The following RPP40 variants were observed in gnomAD, a reference collection of about 807,000 sequenced individuals.
RPP40 encodes the protein ribonuclease P/MRP subunit p40.
RPP40 carries 30 observed loss-of-function variants against 42.5 expected under a neutral mutation model. That is an observed-to-expected ratio of 0.71 (90% confidence interval 0.53 to 0.96). The LOEUF is 0.96. Among genes scored for constraint, RPP40 ranks in the 40% least tolerant of loss-of-function variants. The pLI, the probability that RPP40 is intolerant of heterozygous loss-of-function variation, is 0.00. For missense variants in RPP40, 426 were observed against 433.5 expected (o/e 0.98, Z 0.15); for synonymous variants, 173 against 164.0 (o/e 1.05, Z -0.42).
chr6:4,989,156 CTT>C, the RPP40 span, among the ~76,000 whole-genome samples: 3 of 152,108 alleles, frequency 2.0e-5, no homozygotes, highest in Admixed American at 6.5e-5. Context: ...TAAGTGGACT[CTT>C]TGGTAAAATG....
intron 5 of RPP40, among the ~76,000 whole-genome samples, chr6:4,997,274 G>A (rs1262365411): frequency 3.3e-5 from 5 of 152,238 alleles, no homozygotes; most frequent in African/African-American, 9.6e-5. Flanking sequence ...TGGGTAAACT[G>A]AGTGGGAAGA....
chr6:4,999,934 T>C, intron 3 of RPP40, 30 bp from the exon 4 acceptor site: 1 of 1,318,212 alleles, frequency 7.6e-7, no homozygotes. Context: ...TCCCATAAGA[T>C]ACCAAAACTA....
chr6:4,992,237 C>T (rs144286713), downstream of RPP40, among the ~76,000 whole-genome samples: 883 of 152,020 alleles, frequency 5.8e-3, 10 homozygotes, highest in African/African-American at 0.02. Context: ...GGCATGGTGG[C>T]GCATGCCTGT....
downstream of RPP40, among the ~76,000 whole-genome samples, chr6:4,990,990 G>T (rs1363217113): frequency 2.0e-5 from 3 of 151,952 alleles, no homozygotes; most frequent in Non-Finnish European, 4.4e-5. Context: ...CTTCAGTGAT[G>T]CCACCTCTCT....
chr6:4,997,892 T>C (rs1759429180), intron 5 of RPP40, among the ~76,000 whole-genome samples: 1 of 152,236 alleles, frequency 6.6e-6, no homozygotes, highest in Non-Finnish European at 1.5e-5. Context: ...GCTTTAGGAA[T>C]AGGGAGCTAT....
intron 1 of RPP40, among the ~76,000 whole-genome samples, chr6:5,002,825 G>A (rs1481902904): frequency 4.3e-4 from 66 of 152,190 alleles, no homozygotes; most frequent in Non-Finnish European, 1.5e-5. Flanking sequence ...TTAAAAACAG[G>A]GCAGGCTTCA....
chr6:4,996,261 A>T lies in RPP40; in HGVS notation c.719T>A (p.Leu240His), dbSNP rs1315572449. The T allele has an allele frequency of 6.2e-7, 1 of 1,613,954 alleles. No homozygotes were observed. The highest frequency in any genetic ancestry group is 1.3e-5 in the African/African-American group (1 of 74,936). ...GAAGACGGCGCCGAGCCAGTCGAAG[A>T]GCTCCAGAGCCCGGCAGGACACCTC... ...TPEVSCRALE[L>H]FDWLGAVFSN... Residue 240 changes from leucine (L) to histidine (H), a missense_variant, in exon 6 of 8, where the codon CTC (leucine) becomes CAC (histidine). Leu to His is a moderately conservative substitution (Grantham distance 99, BLOSUM62 -3). Transcript: ENST00000380051.
downstream of RPP40, among the ~76,000 whole-genome samples, chr6:4,989,945 A>C (rs138104988): frequency 1.4e-4 from 22 of 152,308 alleles, no homozygotes; most frequent in South Asian, 4.1e-4. Context: ...CTGATTGCAC[A>C]GTCTAAAGCC....
intron 4 of RPP40, 53 bp from the exon 5 acceptor site, chr6:4,998,894 A>G: frequency 8.8e-7 from 1 of 1,140,386 alleles, no homozygotes; most frequent in South Asian, 2.2e-5. Context: ...TACAGCTTCT[A>G]CCATGGAAAA....
chr6:5,003,611 T>G, intron 1 of RPP40: 1 of 350,338 alleles, frequency 2.9e-6, no homozygotes, highest in South Asian at 7.1e-5. Context: ...TTGACACGAG[T>G]GAGCAGCCAG....
At chr6:4,992,609 G>A (rs1759277223), downstream of RPP40, among the ~76,000 whole-genome samples, 1 of 151,892 alleles carries the variant, frequency 6.6e-6, no homozygotes. Context: ...TACATTTCTT[G>A]TAGGCAGAAT....
At chr6:4,993,126 CTA>C (rs1247412705), downstream of RPP40, among the ~76,000 whole-genome samples, 1 of 152,194 alleles carries the variant, frequency 6.6e-6, no homozygotes, top group Non-Finnish European at 1.5e-5. Context: ...CATGTTGTTA[CTA>C]TTTCCAGTGC....
At chr6:4,990,371 T>C (rs2127537757), downstream of RPP40, among the ~76,000 whole-genome samples, 1 of 152,352 alleles carries the variant, frequency 6.6e-6, no homozygotes, top group East Asian at 1.9e-4. Flanking sequence ...TGTTGATCTG[T>C]AGTTTTCTTT....
chr6:4,995,859 T>C (rs1001959661), intron 7 of RPP40, 92 bp downstream of exon 7: 24 of 1,261,480 alleles, frequency 1.9e-5, no homozygotes, highest in Non-Finnish European at 2.5e-5. Flanking sequence ...ATTTTATTTA[T>C]ATACCACCTC....
chr6:5,001,178 A>G (rs1048542257), intron 2 of RPP40: 5 of 456,404 alleles, frequency 1.1e-5, no homozygotes, highest in African/African-American at 1.0e-4. Context: ...GTTAAGATTC[A>G]AAAGCTACCC....
At chr6:4,995,541 CAAA>C (rs1277661907) in intron 7 of RPP40, among the ~76,000 whole-genome samples, 1 of 152,064 alleles carries the variant, frequency 6.6e-6, no homozygotes, top group East Asian at 1.9e-4. Flanking sequence ...AAAAAGAACC[CAAA>C]ACAAAAAACC....
chr6:4,995,697 A>G (rs1187602645), intron 7 of RPP40, among the ~76,000 whole-genome samples: 8 of 152,334 alleles, frequency 5.3e-5, no homozygotes, highest in Admixed American at 3.3e-4. Flanking sequence ...AAACCAATAA[A>G]TGTGAAAAAG....
In RPP40 at chr6:4,996,895, C is replaced by T. The variant is rs950816650; in HGVS notation, c.560-475G>A. ...TTTTCAGGGATGTTTGTGTAGCCAA[C>T]GGCCTTGGAAGACAGAGATAGTACT... is the stretch of plus-strand genomic sequence containing the variant. On this transcript the variant is annotated intron_variant, in intron 5 of 7. Transcript: ENST00000380051. Among the ~76,000 whole-genome samples the T allele has an allele frequency of 3.3e-5, 5 of 152,152 alleles. 1 individual carries two copies. Among genetic ancestry groups the T allele is most frequent in the East Asian group, 3.8e-4 (2 of 5,196 alleles).
Position 4,995,192 on chromosome 6 carries a change from T to A in RPP40, c.978A>T (p.Lys326Asn). The change falls in exon 8 of 8, where the codon AAA (lysine) becomes AAT (asparagine). Residue 326 changes from lysine to asparagine, a missense_variant. Physicochemically the swap from Lys to Asn is moderately conservative, Grantham distance 94 (BLOSUM62 0). Transcript: ENST00000380051. The part of the protein sequence containing the change: ...GFADSPVSWE[K>N]NEHGFRKGGE... ...CTCCTTTTCGAAAACCATGTTCATT[T>A]TTTTCCCAAGAAACAGGGCTGTCTG... is the stretch of plus-strand genomic sequence containing the variant. 1 of 1,614,164 alleles carries A rather than the reference T, an allele frequency of 6.2e-7. No homozygotes were observed. The highest frequency in any genetic ancestry group is 1.1e-5 in the South Asian group (1 of 91,088).
Sources: gnomAD v4.1 joint callset for allele counts (sites outside exome capture counted in the v4.1 genomes callset) on GRCh38, gnomAD v4.1.1 for gene constraint, MANE v1.5 for transcripts, NCBI Gene and HGNC (gene_info 2026-07-23, HGNC 2026-07-21) for gene names.